Variants in TANGO6 observed in about 807,000 individuals in gnomAD.
The protein encoded by TANGO6 is transport and golgi organization 6 homolog.
TANGO6 carries 90 observed loss-of-function variants against 114.2 expected under a neutral mutation model. The ratio of observed to expected loss-of-function variants is 0.79; its 90% CI spans 0.66 to 0.94. TANGO6 has a LOEUF of 0.94. TANGO6 is among the 40% of genes least tolerant of loss of function. The probability of loss-of-function intolerance (pLI) is 0.00; values close to 1 mark genes in which losing one functional copy is unlikely to be tolerated. For synonymous variants in TANGO6, 477 were observed against 509.8 expected (o/e 0.94, Z 0.87); for missense variants, 1,274 against 1,315.3 (o/e 0.97, Z 0.49).
At chr16:69,048,312 G>A (rs1428747795) in intron 17 of TANGO6, among the ~76,000 whole-genome samples, 1 of 143,482 alleles carries the variant, frequency 7.0e-6, no homozygotes, top group African/African-American at 2.7e-5. Context: ...ATGTTGGCCA[G>A]GCTGGTCTCA....
chr16:69,026,002 C>CTT (rs370610919), intron 16 of TANGO6: 12 of 144,364 alleles, frequency 8.3e-5, no homozygotes, highest in South Asian at 2.2e-4. Context: ...CAAACTTTTT[C>CTT]TTTTTTTTTT....
At chr16:68,904,994 G>A (rs145230762) in intron 9 of TANGO6, among the ~76,000 whole-genome samples, 2 of 152,166 alleles carry the variant, frequency 1.3e-5, no homozygotes, top group African/African-American at 2.4e-5. Flanking sequence ...AGGCCGAGAC[G>A]GGCGGATCAC....
chr16:69,003,418 AG>A (rs1474493623), intron 15 of TANGO6, among the ~76,000 whole-genome samples: 1 of 152,250 alleles, frequency 6.6e-6, no homozygotes, highest in African/African-American at 2.4e-5. Context: ...AAAAGAGCAA[AG>A]CCTTAGCTAC....
rs559522109 is a variant in TANGO6, at chr16:68,843,898, G to A, written c.94+187G>A. Among the ~76,000 whole-genome samples the A allele has an allele frequency of 1.4e-3, 208 of 152,360 alleles. 1 individual carries two copies. The highest frequency in any genetic ancestry group is 6.8e-3 in the Middle Eastern group (2 of 294). ...CGTTCTTGAGGAAACTGAGGCTCAAGGAGGGCGCGGGATCCGTTGACTGCT... is the reference window on the plus strand; with the variant it reads ...CGTTCTTGAGGAAACTGAGGCTCAAAGAGGGCGCGGGATCCGTTGACTGCT... On this transcript the variant is annotated intron_variant, in intron 1 of 17. Coordinates refer to ENST00000261778, the MANE Select transcript of TANGO6 (RefSeq NM_024562.2).
intron 12 of TANGO6, among the ~76,000 whole-genome samples, chr16:68,919,972 A>C (rs143589421): frequency 2.6e-4 from 40 of 152,288 alleles, no homozygotes; most frequent in African/African-American, 9.6e-4. Flanking sequence ...GCTTGAACCC[A>C]GGAGCCGGAG....
At chr16:68,953,960 C>G (rs866417048) in intron 14 of TANGO6, among the ~76,000 whole-genome samples, 7 of 152,010 alleles carry the variant, frequency 4.6e-5, no homozygotes, top group African/African-American at 1.4e-4. Flanking sequence ...AGGGAGGAGA[C>G]CAGGCACAGT....
At chr16:68,844,377 C>G (rs1961771130) in intron 1 of TANGO6, among the ~76,000 whole-genome samples, 2 of 152,004 alleles carry the variant, frequency 1.3e-5, no homozygotes, top group Admixed American at 1.3e-4. Context: ...AGAACACGGA[C>G]CTAGGCCCGA....
intron 4 of TANGO6, among the ~76,000 whole-genome samples, chr16:68,871,909 T>C (rs1036343092): frequency 6.6e-6 from 1 of 151,826 alleles, no homozygotes; most frequent in East Asian, 2.0e-4. Flanking sequence ...CGTGAACCAC[T>C]GTGCCTGGCC....
At chr16:69,014,331 CA>C (rs1326061023) in intron 15 of TANGO6, among the ~76,000 whole-genome samples, 1 of 151,712 alleles carries the variant, frequency 6.6e-6, no homozygotes, top group Non-Finnish European at 1.5e-5. Context: ...TAGCCAAAGG[CA>C]AAAAGTTTTC....
chr16:68,858,775 G>T (rs1001987132), intron 1 of TANGO6, among the ~76,000 whole-genome samples: 1 of 152,014 alleles, frequency 6.6e-6, no homozygotes, highest in African/African-American at 2.4e-5. Context: ...CAGCCACTGT[G>T]CCTGGTCCTT....
intron 14 of TANGO6, among the ~76,000 whole-genome samples, chr16:68,956,225 A>G (rs1355572665): frequency 6.6e-6 from 1 of 152,222 alleles, no homozygotes; most frequent in African/African-American, 2.4e-5. Context: ...AGCATTAAAG[A>G]GCTCATAAGA....
chr16:68,845,194 C>T (rs1044717177), intron 1 of TANGO6, among the ~76,000 whole-genome samples: 1 of 152,164 alleles, frequency 6.6e-6, no homozygotes, highest in Non-Finnish European at 1.5e-5. Flanking sequence ...TCTCGAACTC[C>T]TGACCTCAAG....
chr16:69,049,749 T>C (rs1363909703), intron 17 of TANGO6, among the ~76,000 whole-genome samples: 2 of 151,944 alleles, frequency 1.3e-5, no homozygotes, highest in Non-Finnish European at 2.9e-5. Flanking sequence ...TTTTTTTTTT[T>C]CTTTTTTATA....
intron 14 of TANGO6, among the ~76,000 whole-genome samples, chr16:68,963,736 G>A (rs920519046): frequency 1.3e-5 from 2 of 152,188 alleles, no homozygotes; most frequent in Non-Finnish European, 2.9e-5. Context: ...TCAGTGCTGA[G>A]CCTAGTGCAG....
intron 15 of TANGO6, among the ~76,000 whole-genome samples, chr16:69,002,812 C>T (rs567396356): frequency 8.5e-5 from 13 of 152,168 alleles, no homozygotes; most frequent in East Asian, 5.8e-4. Flanking sequence ...GAGGCTGAGG[C>T]GGGCAGATCA....
At chr16:68,874,434 T>C (rs1372874333) in intron 4 of TANGO6, among the ~76,000 whole-genome samples, 2 of 152,216 alleles carry the variant, frequency 1.3e-5, no homozygotes, top group Non-Finnish European at 2.9e-5. Context: ...ATTGTTTATA[T>C]ATTTTGTCCA....
At chr16:69,050,448 C>A (rs1012834914) in intron 17 of TANGO6, among the ~76,000 whole-genome samples, 1 of 151,816 alleles carries the variant, frequency 6.6e-6, no homozygotes, top group African/African-American at 2.4e-5. Flanking sequence ...CTCAAGCAAT[C>A]CTTCCACCTC....
chr16:68,910,119 G>A (rs1438471232), intron 11 of TANGO6, among the ~76,000 whole-genome samples: 1 of 152,194 alleles, frequency 6.6e-6, no homozygotes, highest in Non-Finnish European at 1.5e-5. Flanking sequence ...TTGTAGCTTG[G>A]TTGGTCAATA....
At chr16:68,845,099 C>T (rs1961782810) in intron 1 of TANGO6, among the ~76,000 whole-genome samples, 1 of 151,892 alleles carries the variant, frequency 6.6e-6, no homozygotes, top group Non-Finnish European at 1.5e-5. Context: ...TCCCGAGTAG[C>T]TGGGATTACA....
Sources: gnomAD v4.1 joint callset for allele counts (sites outside exome capture counted in the v4.1 genomes callset) on GRCh38, gnomAD v4.1.1 for gene constraint, MANE v1.5 for transcripts, NCBI Gene and HGNC (gene_info 2026-07-23, HGNC 2026-07-21) for gene names.